Variants in NRXN1 observed in about 807,000 individuals in gnomAD.
The protein encoded by NRXN1 is neurexin-1.
Under a neutral mutation model 150.9 loss-of-function variants are expected in NRXN1, and 39 were observed. The observed-to-expected ratio is 0.26, with a 90% confidence interval of 0.20 to 0.34. The LOEUF is 0.34. Among genes scored for constraint, NRXN1 ranks in the 10% least tolerant of loss-of-function variants. NRXN1 has a pLI of 1.00. For missense variants in NRXN1, 1,815 were observed against 1,949.9 expected (o/e 0.93, Z 1.30); for synonymous variants, 924 against 757.0 (o/e 1.22, Z -3.62).
intron 17 of NRXN1, among the ~76,000 whole-genome samples, chr2:50,404,646 C>A (rs2082625435): frequency 6.6e-6 from 1 of 152,060 alleles, no homozygotes; most frequent in South Asian, 2.1e-4. Flanking sequence ...AGAAGGGTAA[C>A]AATTGTGAGA....
intron 18 of NRXN1, chr2:50,174,772 G>A (rs1156927335): frequency 6.6e-6 from 1 of 152,068 alleles, no homozygotes; most frequent in Admixed American, 6.6e-5. Flanking sequence ...ATTTGCTGTT[G>A]TAATTATGGA....
At chr2:50,516,661 C>G (rs1250144599) in intron 12 of NRXN1, among the ~76,000 whole-genome samples, 3 of 152,144 alleles carry the variant, frequency 2.0e-5, no homozygotes, top group African/African-American at 4.8e-5. Flanking sequence ...ACTCCTTTCT[C>G]TTTTCCTTCT....
rs373589375 is a variant in NRXN1, at chr2:50,069,359, A to C, written c.3719-14315T>G. On this transcript the variant is annotated intron_variant, in intron 19 of 22. Coordinates refer to ENST00000401669, the MANE Select transcript of NRXN1 (RefSeq NM_001330078.2). ...GGCTTCTAAGCTGACCCTCAATGCT[A>C]ATGGCCCATGGTCCCAGGTATCAGA... is the stretch of plus-strand genomic sequence containing the variant. Among the ~76,000 whole-genome samples, 81 of 152,286 alleles carry C rather than the reference A, an allele frequency of 5.3e-4. No homozygotes were observed. In the South Asian group the frequency reaches 5.4e-3, roughly 10 times the overall value.
chr2:50,083,914 C>A (rs1321576305), intron 19 of NRXN1, among the ~76,000 whole-genome samples: 2 of 152,072 alleles, frequency 1.3e-5, no homozygotes, highest in African/African-American at 2.4e-5. Context: ...AAGTCCGCAC[C>A]AGATCAGCTA....
intron 5 of NRXN1, among the ~76,000 whole-genome samples, chr2:50,812,621 G>A (rs1037361861): frequency 6.6e-6 from 1 of 151,502 alleles, no homozygotes; most frequent in Admixed American, 6.6e-5. Context: ...AATAGATATT[G>A]TATAGATCCA....
Position 50,891,608 on chromosome 2 carries a change from A to G in NRXN1, c.832+30261T>C, listed in dbSNP as rs536681086. Among the ~76,000 whole-genome samples, 9 of 152,200 alleles carry G rather than the reference A, an allele frequency of 5.9e-5. No individual in the cohort carries two copies. In the South Asian group the frequency reaches 8.3e-4, roughly 14 times the overall value. On this transcript the variant is annotated intron_variant, in intron 5 of 22. Coordinates refer to ENST00000401669, the MANE Select transcript of NRXN1 (RefSeq NM_001330078.2). ...TACTTGAAAAATGACTGATTAAAAC[A>G]GATTACTGCTTTAATAAAATCACAT... is the stretch of plus-strand genomic sequence containing the variant.
At chr2:50,659,288 T>A (rs367571057) in intron 5 of NRXN1, among the ~76,000 whole-genome samples, 1 of 152,070 alleles carries the variant, frequency 6.6e-6, no homozygotes, top group East Asian at 1.9e-4. Flanking sequence ...TTACAACATT[T>A]ACCCATTACA....
intron 5 of NRXN1, among the ~76,000 whole-genome samples, chr2:50,741,582 T>A (rs551706447): frequency 6.6e-6 from 1 of 152,280 alleles, no homozygotes; most frequent in South Asian, 2.1e-4. Flanking sequence ...TAATGAAAAA[T>A]TTGTGGGTTC....
intron 17 of NRXN1, among the ~76,000 whole-genome samples, chr2:50,418,455 C>G (rs889523050): frequency 6.6e-6 from 1 of 151,978 alleles, no homozygotes; most frequent in Non-Finnish European, 1.5e-5. Flanking sequence ...TGTAAAATCT[C>G]CAAATAAAGT....
intron 21 of NRXN1, among the ~76,000 whole-genome samples, chr2:49,958,593 A>T (rs1675383181): frequency 6.6e-6 from 1 of 152,164 alleles, no homozygotes. Context: ...AAACCTATTC[A>T]ACATAAATAT....
intron 14 of NRXN1, among the ~76,000 whole-genome samples, chr2:50,496,751 G>A (rs2091652971): frequency 6.6e-6 from 1 of 152,112 alleles, no homozygotes; most frequent in Non-Finnish European, 1.5e-5. Context: ...ATTTATATCC[G>A]TGCATGGCAC....
intron 5 of NRXN1, among the ~76,000 whole-genome samples, chr2:50,785,297 G>A (rs546931771): frequency 7.3e-6 from 1 of 136,760 alleles, no homozygotes; most frequent in African/African-American, 2.7e-5. Flanking sequence ...CGCCCCCGCT[G>A]GAGTGCAGTG....
At chr2:49,935,557 A>C (rs570875810) in intron 22 of NRXN1, among the ~76,000 whole-genome samples, 3 of 152,318 alleles carry the variant, frequency 2.0e-5, no homozygotes, top group Non-Finnish European at 4.4e-5. Flanking sequence ...CTAATCGACA[A>C]GTTACTGTGT....
intron 4 of NRXN1, among the ~76,000 whole-genome samples, chr2:50,922,327 T>C (rs951810959): frequency 2.0e-5 from 3 of 151,888 alleles, no homozygotes; most frequent in Non-Finnish European, 1.5e-5. Flanking sequence ...CAACTTCTGA[T>C]GGTTCTCGGT....
chr2:50,861,017 T>G (rs541755997), intron 5 of NRXN1, among the ~76,000 whole-genome samples: 2 of 152,080 alleles, frequency 1.3e-5, no homozygotes, highest in African/African-American at 4.8e-5. Flanking sequence ...GATTTCTAGA[T>G]GTCAAAGTAA....
intron 5 of NRXN1, among the ~76,000 whole-genome samples, chr2:50,792,484 T>C (rs1165161314): frequency 6.6e-6 from 1 of 152,088 alleles, no homozygotes; most frequent in Non-Finnish European, 1.5e-5. Flanking sequence ...AATACTCTTA[T>C]GGTCTCATTC....
intron 21 of NRXN1, among the ~76,000 whole-genome samples, chr2:50,017,246 T>A (rs1274991071): frequency 6.6e-6 from 1 of 152,172 alleles, no homozygotes; most frequent in Non-Finnish European, 1.5e-5. Flanking sequence ...TTATAATATG[T>A]CAACTCTATG....
intron 17 of NRXN1, among the ~76,000 whole-genome samples, chr2:50,266,784 AT>A (rs1409173975): frequency 6.6e-6 from 1 of 152,120 alleles, no homozygotes; most frequent in Non-Finnish European, 1.5e-5. Context: ...GTGAAGAAGG[AT>A]GGTTTCTAGT....
chr2:50,185,120 G>A (rs1257939353), intron 18 of NRXN1, among the ~76,000 whole-genome samples: 1 of 152,070 alleles, frequency 6.6e-6, no homozygotes, highest in East Asian at 1.9e-4. Flanking sequence ...GAGAGAAACT[G>A]AATGATCTCA....
Sources: allele counts gnomAD v4.1 joint callset (sites outside exome capture counted in the v4.1 genomes callset), GRCh38; gene constraint gnomAD v4.1.1; transcripts MANE v1.5; gene names NCBI Gene and HGNC (gene_info 2026-07-23, HGNC 2026-07-21).